Variants in RYR2 observed in about 807,000 individuals in gnomAD.
RYR2 encodes ryanodine receptor 2.
RYR2 carries 227 observed loss-of-function variants against 601.1 expected under a neutral mutation model. The observed-to-expected ratio is 0.38, with a 90% CI of 0.34 to 0.42. RYR2 has a LOEUF of 0.42. RYR2 is among the 10% of genes least tolerant of loss of function. The pLI, the probability that RYR2 is intolerant of heterozygous loss-of-function variation, is 1.00. For synonymous variants in RYR2, 2,223 were observed against 2,175.1 expected, an observed-to-expected ratio of 1.02 and a Z score of -0.61; for missense variants, 4,646 against 6,156.5, an observed-to-expected ratio of 0.75 and a Z score of 8.21.
At position 237,536,714 on chromosome 1, in the gene RYR2, CAAA is replaced by C. The variant is rs71561885; in HGVS notation, c.2906+6224_2906+6226del. Among the ~76,000 whole-genome samples, 509 of 54,368 alleles carry C rather than the reference CAAA, an allele frequency of 9.4e-3. 22 individuals are homozygous for C. The highest frequency in any genetic ancestry group is 0.037 in the African/African-American group (487 of 13,108). 35.7% of individuals were successfully genotyped at this position (54,368 alleles called of 152,430 possible). A position where few individuals can be genotyped will look rare whatever the true frequency, so the allele number is the denominator to read the frequency against. On this transcript the variant is annotated intron_variant, in intron 25 of 104. Coordinates refer to ENST00000366574, the MANE Select transcript of RYR2 (RefSeq NM_001035.3). ...CGGACGACAGAGCGAGATTCCGTCT[CAAA>C]AAAAAAAAAAAAAAAAAAATTAGCC...
rs1658467547 is a variant in RYR2, at chr1:237,792,270, A to G, written c.13729A>G (p.Ile4577Val). 1.9e-6 allele frequency: 3 copies of G among 1,613,410 alleles called. No homozygotes were observed. The highest frequency in any genetic ancestry group is 1.1e-5 in the South Asian group (1 of 91,064). The change falls in exon 94 of 105, where the codon ATT becomes GTT. Residue 4577 changes from isoleucine (I) to valine (V), a missense_variant. Physicochemically the swap from Ile to Val is conservative, Grantham distance 29. Coordinates refer to ENST00000366574, the MANE Select transcript of RYR2 (RefSeq NM_001035.3). ...GGAGCCCACGTTGCGTATCTTAGCT[A>G]TTCTGCACACGGTCATTTCTTTCTT... Reference protein sequence around the residue: ...YMEPTLRILAILHTVISFFCI... With the variant: ...YMEPTLRILAVLHTVISFFCI...
At chr1:237,178,268 C>T (rs1369531784) in intron 1 of RYR2, among the ~76,000 whole-genome samples, 2 of 152,144 alleles carry the variant, frequency 1.3e-5, no homozygotes, top group African/African-American at 4.8e-5. Flanking sequence ...GGACATCTTA[C>T]TTCCTCTAAT....
intron 2 of RYR2, among the ~76,000 whole-genome samples, chr1:237,300,166 T>C (rs1693208834): frequency 6.6e-6 from 1 of 152,144 alleles, no homozygotes. Flanking sequence ...TGCTGTAACA[T>C]GGGAAGACTG....
chr1:237,470,309 G>A (rs1283872780), intron 17 of RYR2, among the ~76,000 whole-genome samples: 2 of 152,148 alleles, frequency 1.3e-5, no homozygotes, highest in Non-Finnish European at 2.9e-5. Context: ...AAATAGTTCT[G>A]AGACTTTTGC....
chr1:237,066,001 C>CAAA (rs1558173011), intron 1 of RYR2, among the ~76,000 whole-genome samples: 2 of 152,162 alleles, frequency 1.3e-5, no homozygotes, highest in Non-Finnish European at 2.9e-5. Context: ...TCCAGTCACC[C>CAAA]CCAACCAGAC....
At chr1:237,534,967 TA>T (rs112694910) in intron 25 of RYR2, among the ~76,000 whole-genome samples, 5,720 of 148,250 alleles carry the variant, frequency 0.039, 360 homozygotes, top group African/African-American at 0.14. Context: ...AATCCCTTTT[TA>T]TTTTGTGAGA....
At chr1:237,077,530 G>A (rs865995846) in intron 1 of RYR2, among the ~76,000 whole-genome samples, 10,157 of 121,974 alleles carry the variant, frequency 0.083, 3 homozygotes, top group African/African-American at 0.12. Flanking sequence ...AGACAAAGAA[G>A]GCCATTACAT....
intron 94 of RYR2, 50 bp downstream of exon 94, chr1:237,792,373 G>A: frequency 3.7e-6 from 3 of 816,492 alleles, no homozygotes; most frequent in Non-Finnish European, 1.8e-6. Context: ...GTGTGTGTGT[G>A]TGTGTGTGCG....
intron 35 of RYR2, among the ~76,000 whole-genome samples, chr1:237,607,263 T>C (rs916971068): frequency 6.6e-6 from 1 of 152,212 alleles, no homozygotes; most frequent in South Asian, 2.1e-4. Flanking sequence ...GATGAGTTCA[T>C]GTCCTTTGTA....
chr1:237,494,047 C>G (rs371874974), intron 19 of RYR2, among the ~76,000 whole-genome samples: 1 of 152,088 alleles, frequency 6.6e-6, no homozygotes, highest in African/African-American at 2.4e-5. Context: ...TTATAACCAC[C>G]GCGCCACACT....
Position 237,196,515 on chromosome 1 carries a change from G to A in RYR2, c.49-73982G>A, listed in dbSNP as rs140026160. 2.6e-4 allele frequency among the ~76,000 whole-genome samples: 39 copies of A among 152,004 alleles called. 1 individual carries two copies. The East Asian group carries it at 6.4e-3, about 25-fold the overall frequency. On this transcript the variant is annotated intron_variant, in intron 1 of 104. Transcript: ENST00000366574. ...TTGACTCCACTTAGAATTTATTTGG[G>A]GAGTTAGCTTCATTTTTTCCATATT...
In RYR2 at chr1:237,517,066, T is replaced by C. The variant is rs1666619462; in HGVS notation, c.2822+5275T>C. On this transcript the variant is annotated intron_variant, in intron 24 of 104. Transcript: ENST00000366574. ...ACAAGTGTGTGCATGGCCCAGACAA[T>C]CTGACACCCCTCCTGTTTGTCATCA... 2.0e-5 allele frequency among the ~76,000 whole-genome samples: 3 copies of C among 152,228 alleles called. No homozygotes were observed. The South Asian group carries it at 6.2e-4, about 32-fold the overall frequency.
Position 237,590,019 on chromosome 1 carries a change from A to G in RYR2, c.3807+18A>G. The G allele has an allele frequency of 3.1e-6, 5 of 1,598,670 alleles. No individual in the cohort carries two copies. The highest frequency in any genetic ancestry group is 3.3e-4 in the Middle Eastern group (2 of 5,988). ...ATATAGAGGTTTGCTTTTTCTTTAAAAATCAGGCCATTTCTAAAAAGCAGG... is the reference window on the plus strand; with the variant it reads ...ATATAGAGGTTTGCTTTTTCTTTAAGAATCAGGCCATTTCTAAAAAGCAGG... On this transcript the variant is annotated intron_variant, in intron 30 of 104. Coordinates refer to ENST00000366574, the MANE Select transcript of RYR2 (RefSeq NM_001035.3).
At chr1:237,685,954 T>G (rs1346942473) in intron 62 of RYR2, among the ~76,000 whole-genome samples, 1 of 152,214 alleles carries the variant, frequency 6.6e-6, no homozygotes, top group East Asian at 1.9e-4. Context: ...CATCAATACA[T>G]GAATCCACAT....
At chr1:237,051,367 C>G (rs1288183676) in intron 1 of RYR2, among the ~76,000 whole-genome samples, 2 of 146,498 alleles carry the variant, frequency 1.4e-5, no homozygotes, top group Non-Finnish European at 3.0e-5. Context: ...CTCTTCTCTC[C>G]TCGGGGCTCA....
At chr1:237,277,590 C>G (rs1690415702) in intron 2 of RYR2, among the ~76,000 whole-genome samples, 1 of 152,134 alleles carries the variant, frequency 6.6e-6, no homozygotes, top group South Asian at 2.1e-4. Context: ...CATAGCGAGA[C>G]CCTGTGTCTC....
chr1:237,499,396 A>G (rs1382588), intron 20 of RYR2, among the ~76,000 whole-genome samples: 101,442 of 151,978 alleles, frequency 0.67, 33,879 homozygotes, highest in African/African-American at 0.68. Context: ...GGAGGAATGT[A>G]CAGGAAAGAT....
intron 2 of RYR2, among the ~76,000 whole-genome samples, chr1:237,314,829 CACCAGACATTT>C (rs1694949251): frequency 6.6e-6 from 1 of 152,152 alleles, no homozygotes; most frequent in Non-Finnish European, 1.5e-5. Flanking sequence ...CTTCAGCAGG[CACCAGACATTT>C]ACCAGATTCA....
intron 2 of RYR2, among the ~76,000 whole-genome samples, chr1:237,325,797 T>C (rs1696113544): frequency 6.6e-6 from 1 of 152,192 alleles, no homozygotes; most frequent in African/African-American, 2.4e-5. Context: ...AAGAGAATTT[T>C]CAGTTTTCCA....
Sources: allele counts gnomAD v4.1 joint callset (sites outside exome capture counted in the v4.1 genomes callset), GRCh38; gene constraint gnomAD v4.1.1; transcripts MANE v1.5; gene names NCBI Gene and HGNC (gene_info 2026-07-23, HGNC 2026-07-21).